TANGO6: variants seen among roughly 807,000 people sequenced by gnomAD.
The protein encoded by TANGO6 is transport and golgi organization 6 homolog.
TANGO6 carries 90 observed loss-of-function variants against 114.2 expected under a neutral mutation model. The observed-to-expected ratio is 0.79, with a 90% CI of 0.66 to 0.94. TANGO6 has a LOEUF of 0.94. Ranked by LOEUF, TANGO6 falls within the 40% of genes least tolerant of loss-of-function variation. The pLI is 0.00. For missense variants in TANGO6, 1,274 were observed against 1,315.3 expected, an observed-to-expected ratio of 0.97 and a Z score of 0.49; for synonymous variants, 477 against 509.8, an observed-to-expected ratio of 0.94 and a Z score of 0.87.
intron 17 of TANGO6, among the ~76,000 whole-genome samples, chr16:69,064,113 G>A (rs182591444): frequency 1.2e-4 from 19 of 152,104 alleles, no homozygotes; most frequent in African/African-American, 4.6e-4. Context: ...CTGGATTACA[G>A]GCATAAGCCA....
chr16:68,904,337 G>C (rs1047572675), intron 9 of TANGO6, among the ~76,000 whole-genome samples: 1 of 152,180 alleles, frequency 6.6e-6, no homozygotes, highest in African/African-American at 2.4e-5. Flanking sequence ...ATGGCTCACA[G>C]AAGCTTAGAA....
At chr16:69,065,925 T>C (rs558525792) in intron 17 of TANGO6, among the ~76,000 whole-genome samples, 1 of 152,302 alleles carries the variant, frequency 6.6e-6, no homozygotes, top group East Asian at 1.9e-4. Flanking sequence ...ATTGTCTGTG[T>C]CCATTCTGCT....
chr16:68,856,462 C>T (rs1010945534), intron 1 of TANGO6, among the ~76,000 whole-genome samples: 2 of 152,166 alleles, frequency 1.3e-5, no homozygotes. Flanking sequence ...AAGTATTATT[C>T]TTTTCTATAT....
intron 15 of TANGO6, among the ~76,000 whole-genome samples, chr16:69,007,814 T>G (rs1964107121): frequency 6.6e-6 from 1 of 152,194 alleles, no homozygotes; most frequent in Non-Finnish European, 1.5e-5. Flanking sequence ...CAGGGCTTAT[T>G]ATTGTCTGCC....
chr16:68,847,999 C>CAAAAA (rs1329686470), intron 1 of TANGO6, among the ~76,000 whole-genome samples: 3 of 62,306 alleles, frequency 4.8e-5, no homozygotes, highest in Non-Finnish European at 9.6e-5. Flanking sequence ...GACTCCATCA[C>CAAAAA]AAAAAAAAAA....
chr16:68,868,567 G>A (rs748007845), intron 4 of TANGO6, among the ~76,000 whole-genome samples: 7 of 140,254 alleles, frequency 5.0e-5, no homozygotes, highest in African/African-American at 1.8e-4. Flanking sequence ...GCGTGATCTT[G>A]GCTCATTGCA....
chr16:68,979,554 T>A (rs1435679656), intron 15 of TANGO6, among the ~76,000 whole-genome samples: 1 of 152,140 alleles, frequency 6.6e-6, no homozygotes, highest in Non-Finnish European at 1.5e-5. Context: ...AAGATATTTG[T>A]TGCTAAAATG....
intron 16 of TANGO6, among the ~76,000 whole-genome samples, chr16:69,031,173 C>G (rs1959587200): frequency 6.6e-6 from 1 of 152,000 alleles, no homozygotes; most frequent in South Asian, 2.1e-4. Flanking sequence ...GATCCTGCCC[C>G]ACTTCTAGAG....
intron 17 of TANGO6, among the ~76,000 whole-genome samples, chr16:69,073,816 A>G (rs942077893): frequency 1.3e-5 from 2 of 151,988 alleles, no homozygotes; most frequent in Non-Finnish European, 2.9e-5. Flanking sequence ...TTAGCTCGGC[A>G]TGGTGGCGGG....
At chr16:68,980,589 G>A (rs900417839) in intron 15 of TANGO6, among the ~76,000 whole-genome samples, 17 of 151,608 alleles carry the variant, frequency 1.1e-4, no homozygotes, top group African/African-American at 2.2e-4. Context: ...TCAGGACTCC[G>A]AGGTGGGAGG....
intron 7 of TANGO6, among the ~76,000 whole-genome samples, chr16:68,893,326 A>G (rs1962654374): frequency 6.6e-6 from 1 of 152,200 alleles, no homozygotes; most frequent in African/African-American, 2.4e-5. Context: ...AAGTCACACA[A>G]CTGGTCAGCG....
At chr16:68,991,036 C>G (rs888169706) in intron 15 of TANGO6, among the ~76,000 whole-genome samples, 1 of 152,058 alleles carries the variant, frequency 6.6e-6, no homozygotes, top group Non-Finnish European at 1.5e-5. Flanking sequence ...AAGATGTCCC[C>G]AGATAGGAAA....
rs1225991898 is a variant in TANGO6, at chr16:68,884,101, G to C, written c.1377+3471G>C. Among the ~76,000 whole-genome samples the C allele has an allele frequency of 2.0e-5, 3 of 152,046 alleles. No homozygotes were observed. In the South Asian group the frequency reaches 6.2e-4, roughly 32 times the overall value. ...ATTTTTGTATTTTTTGTAGAGACAG[G>C]GTTTCACCATGTTTGCCAAGCTGGT... On this transcript the variant is annotated intron_variant, in intron 7 of 17. Transcript: ENST00000261778.
chr16:69,052,734 T>G (rs980118125), intron 17 of TANGO6, among the ~76,000 whole-genome samples: 1 of 152,116 alleles, frequency 6.6e-6, no homozygotes, highest in African/African-American at 2.4e-5. Context: ...AAATCCCAGC[T>G]TTGCAACTTG....
intron 4 of TANGO6, among the ~76,000 whole-genome samples, chr16:68,869,829 A>G (rs2152163722): frequency 2.0e-5 from 3 of 152,272 alleles, no homozygotes; most frequent in Middle Eastern, 6.8e-3. Context: ...AGAGAGTAGC[A>G]TGTATGAGGA....
At chr16:69,083,363 T>C in intron 17 of TANGO6, 122 bp from the exon 18 acceptor site, 3 of 1,255,942 alleles carry the variant, frequency 2.4e-6, no homozygotes, top group Non-Finnish European at 3.2e-6. Context: ...CCAGCCACAT[T>C]ATCTTCAGGA....
chr16:68,955,609 T>G (rs977682625), intron 14 of TANGO6, among the ~76,000 whole-genome samples: 3 of 152,274 alleles, frequency 2.0e-5, no homozygotes, highest in South Asian at 4.1e-4. Flanking sequence ...TAAATTCAAT[T>G]TAAATTACTC....
At chr16:68,960,854 G>T (rs547864900) in intron 14 of TANGO6, among the ~76,000 whole-genome samples, 37 of 152,224 alleles carry the variant, frequency 2.4e-4, no homozygotes, top group African/African-American at 8.9e-4. Flanking sequence ...GAGATTTAGG[G>T]GGCTTGCAGT....
At chr16:68,894,456 G>A (rs1303047218) in intron 7 of TANGO6, among the ~76,000 whole-genome samples, 1 of 152,044 alleles carries the variant, frequency 6.6e-6, no homozygotes, top group African/African-American at 2.4e-5. Context: ...ATTAATAGAA[G>A]GGAGCTGTAT....
Sources: gnomAD v4.1 joint callset for allele counts (sites outside exome capture counted in the v4.1 genomes callset) on GRCh38, gnomAD v4.1.1 for gene constraint, MANE v1.5 for transcripts, NCBI Gene and HGNC (gene_info 2026-07-23, HGNC 2026-07-21) for gene names.